AJUBA: variants seen among roughly 807,000 people sequenced by gnomAD.
AJUBA encodes the protein LIM domain-containing protein ajuba.
Under a neutral mutation model 53.3 loss-of-function variants are expected in AJUBA, and 20 were observed. The observed-to-expected ratio is 0.38, with a 90% CI of 0.26 to 0.55. The LOEUF is 0.55. Ranked by LOEUF, AJUBA falls within the 20% of genes least tolerant of loss-of-function variation. The pLI is 0.80. For synonymous variants in AJUBA, 296 were observed against 306.2 expected (o/e 0.97, Z 0.35); for missense variants, 580 against 730.5 (o/e 0.79, Z 2.38).
Position 22,982,260 on chromosome 14 carries a change from G to A in AJUBA, c.7C>T (p.Arg3Trp). Reference protein sequence around the residue: MERLGEKASRLLE... With the variant: MEWLGEKASRLLE... Reference sequence around the variant, plus strand: ...AGGCGACTGGCTTTCTCTCCTAACCGCTCCATGCCCTCGGGCCTGGGGCCT... The same window carrying A: ...AGGCGACTGGCTTTCTCTCCTAACCACTCCATGCCCTCGGGCCTGGGGCCT... The change falls in exon 1 of 8, where the codon CGG becomes TGG. Residue 3 changes from arginine (R) to tryptophan (W), a missense_variant. Arg to Trp is a moderately radical substitution (Grantham distance 101). This residue lies in a region of AJUBA where 430 missense variants were observed against 471.5 expected (regional missense o/e 0.91). Transcript: ENST00000262713. 1 of 1,613,474 alleles carries A rather than the reference G, an allele frequency of 6.2e-7. No homozygotes were observed. Among genetic ancestry groups the A allele is most frequent in the Non-Finnish European group, 8.5e-7 (1 of 1,179,796 alleles).
chr14:22,977,123 C>T (rs1201864003), intron 2 of AJUBA: 1 of 1,017,346 alleles, frequency 9.8e-7, no homozygotes, highest in African/African-American at 1.7e-5. Flanking sequence ...CCCTCTGGGA[C>T]CCTTCAACCT....
chr14:22,982,206 C>T lies in AJUBA; in HGVS notation c.61G>A (p.Glu21Lys). 6.2e-7 allele frequency: 1 copy of T among 1,613,986 alleles called. No individual in the cohort carries two copies. Among genetic ancestry groups the T allele is most frequent in the African/African-American group, 1.3e-5 (1 of 75,042 alleles). Residue 21 changes from glutamate to lysine, a missense_variant, in exon 1 of 8, where the codon GAA becomes AAA. Coordinates refer to ENST00000262713, the MANE Select transcript of AJUBA (RefSeq NM_032876.6). ...LLEKFGRRKG[E>K]SSRSGSDGTP... ...CCGTCAGACCCAGACCGGCTAGATT[C>T]ACCCTTTCTGCGGCCGAACTTCTCC...
Position 22,981,722 on chromosome 14 carries a change from C to T in AJUBA, c.545G>A (p.Cys182Tyr), listed in dbSNP as rs1181709664. The change falls in exon 1 of 8, where the codon TGC (cysteine) becomes TAC (tyrosine). Residue 182 changes from cysteine (C) to tyrosine (Y), a missense_variant. Physicochemically the swap from Cys to Tyr is radical, Grantham distance 194 (BLOSUM62 -2). Around this residue, in one of 2 missense-constraint regions of AJUBA, gnomAD observed 430 missense variants for 471.5 expected, o/e 0.91. Transcript: ENST00000262713. The stretch of plus-strand genomic sequence containing the variant: ...TCCGGCCAGGGGTGGGCCAAACAGG[C>T]ACGGCCCCGCTGGCAAGGGGCTCCC... ...RHGSPLPAGP[C>Y]LFGPPLAGAP... 3 of 1,529,768 alleles carry T rather than the reference C, an allele frequency of 2.0e-6. No homozygotes were observed. In the African/African-American group the frequency reaches 4.1e-5, roughly 21 times the overall value. 94.8% of individuals were successfully genotyped at this position (1,529,768 alleles called of 1,614,324 possible). A position where few individuals can be genotyped will look rare whatever the true frequency, so the allele number is the denominator to read the frequency against.
chr14:22,974,254 A>G, intron 6 of AJUBA, 139 bp from the exon 7 acceptor site: 2 of 886,636 alleles, frequency 2.3e-6, no homozygotes, highest in South Asian at 1.5e-5. Context: ...CTGTAGTTTT[A>G]AGATGCTTCT....
chr14:22,973,463 G>A lies in AJUBA; in HGVS notation c.1597C>T (p.Pro533Ser), dbSNP rs769574660. The change falls in exon 8 of 8, where the codon CCC (proline) becomes TCC (serine). Residue 533 changes from proline to serine, a missense_variant. This residue lies in a region of AJUBA where 150 missense variants were observed against 259.0 expected (regional missense o/e 0.58). Coordinates refer to ENST00000262713, the MANE Select transcript of AJUBA (RefSeq NM_032876.6). The part of the protein sequence containing the change: ...CHMQRLNARQ[P>S]PANYI ...GCAGCTCAGATATAGTTGGCAGGGGGTTGTCGGGCATTGAGCCGCTGCATG... is the reference window on the plus strand; with the variant it reads ...GCAGCTCAGATATAGTTGGCAGGGGATTGTCGGGCATTGAGCCGCTGCATG... 1.1e-5 allele frequency: 18 copies of A among 1,612,486 alleles called. No homozygotes were observed. Among genetic ancestry groups the A allele is most frequent in the Non-Finnish European group, 1.4e-5 (16 of 1,179,348 alleles).
rs1009331674 is a variant in AJUBA at position 22,981,653 on chromosome 14, G to A, written c.614C>T (p.Pro205Leu). The A allele has an allele frequency of 5.3e-6, 8 of 1,513,662 alleles. No individual in the cohort carries two copies. In the African/African-American group the frequency reaches 8.2e-5, roughly 16 times the overall value. 93.8% of individuals were successfully genotyped at this position (1,513,662 alleles called of 1,614,324 possible). Residue 205 changes from proline to leucine, a missense_variant, in exon 1 of 8, where the codon CCG becomes CTG. Pro to Leu is a moderately conservative substitution (Grantham distance 98). Transcript: ENST00000262713. ...TCGGTCCAGGGCGGCGTGGAGCTCC[G>A]GGTAGGCGGACGGGACCCCTCCGGG... ...YSPGGVPSAY[P>L]ELHAALDRLY...
intron 1 of AJUBA, 145 bp downstream of exon 1, chr14:22,981,116 G>T: frequency 2.0e-6 from 2 of 1,015,784 alleles, no homozygotes; most frequent in Non-Finnish European, 2.8e-6. Flanking sequence ...CTCTGGGGCC[G>T]CCCCCATCCA....
At chr14:22,975,451 C>T (rs2045025996) in intron 4 of AJUBA, among the ~76,000 whole-genome samples, 1 of 152,184 alleles carries the variant, frequency 6.6e-6, no homozygotes, top group Non-Finnish European at 1.5e-5. Flanking sequence ...TAGTTCTTCC[C>T]AGCTGATCTG....
At position 22,978,185 on chromosome 14, in the gene AJUBA, A is replaced by G. The variant is rs1011553327; in HGVS notation, c.1108+159T>C. On this transcript the variant is annotated intron_variant, in intron 2 of 7. Coordinates refer to ENST00000262713, the MANE Select transcript of AJUBA (RefSeq NM_032876.6). Reference sequence around the variant, plus strand: ...TAGAGGACAGACAGGGAAGCAAGAGAGGCAGAGCAGCTGCGGACCTCCAGA... The same window carrying G: ...TAGAGGACAGACAGGGAAGCAAGAGGGGCAGAGCAGCTGCGGACCTCCAGA... 5.9e-5 allele frequency among the ~76,000 whole-genome samples: 9 copies of G among 152,214 alleles called. 1 individual carries two copies. Among genetic ancestry groups the G allele is most frequent in the Admixed American group, 4.6e-4 (7 of 15,286 alleles).
Position 22,975,058 on chromosome 14 carries a change from C to A in AJUBA, c.1286G>T (p.Cys429Phe), listed in dbSNP as rs1387232699. 1 of 1,614,016 alleles carries A rather than the reference C, an allele frequency of 6.2e-7. No individual in the cohort carries two copies. The highest frequency in any genetic ancestry group is 8.5e-7 in the Non-Finnish European group (1 of 1,180,028). ...ATCCAGGCACTTGTTGCAAACAATG[C>A]ATCGGAAACAGCCTGGATGATAGGA... ...GKSYHPGCFR[C>F]IVCNKCLDGI... The change falls in exon 5 of 8, where the codon TGC becomes TTC. Residue 429 changes from cysteine (C) to phenylalanine (F), a missense_variant. Transcript: ENST00000262713.
At chr14:22,977,277 T>G in intron 2 of AJUBA, 1 of 915,764 alleles carries the variant, frequency 1.1e-6, no homozygotes, top group Non-Finnish European at 1.3e-6. Context: ...CCTCTCCTGT[T>G]TGTATAAGGC....
At chr14:22,978,315 G>A (rs1773312482) in intron 2 of AJUBA, 29 bp downstream of exon 2, 1 of 1,587,732 alleles carries the variant, frequency 6.3e-7, no homozygotes, top group South Asian at 1.1e-5. Flanking sequence ...CAGGGGAGGG[G>A]AGTGCTTGAG....
At chr14:22,976,398 C>T (rs2045036783) in intron 4 of AJUBA, 58 bp downstream of exon 4, 13 of 1,548,376 alleles carry the variant, frequency 8.4e-6, no homozygotes, top group Non-Finnish European at 1.2e-5. Flanking sequence ...CCATTTAGTC[C>T]CTGATCCCGC....
Position 22,981,862 on chromosome 14 carries a change from C to T in AJUBA, c.405G>A (p.Pro135=), listed in dbSNP as rs996190949. 1.3e-6 allele frequency: 2 copies of T among 1,534,202 alleles called. No homozygotes were observed. Among genetic ancestry groups the T allele is most frequent in the African/African-American group, 1.4e-5 (1 of 72,854 alleles). ...GCAGCAGGCTGCCCCGGGGGCTGGA[C>T]GGCTTGCTCGCGTCGCTGGCCGAGC... The part of the protein sequence containing the change: ...ASSSASDASK[P]SSPRGSLLLD... The change falls in exon 1 of 8, where the codon CCG becomes CCA. Residue 135 remains proline (P), a synonymous_variant. Coordinates refer to ENST00000262713, the MANE Select transcript of AJUBA (RefSeq NM_032876.6).
intron 1 of AJUBA, chr14:22,978,732 G>A (rs1026394978): frequency 1.6e-6 from 2 of 1,226,586 alleles, no homozygotes; most frequent in Non-Finnish European, 2.1e-6. Context: ...ATGGTCCCTG[G>A]CATTCAGATG....
In AJUBA at chr14:22,982,180, C is replaced by T. The variant is rs888126347; in HGVS notation, c.87G>A (p.Gly29=). ...GGCGCCCCTTGCCCGGCCCGGGGGT[C>T]CCGTCAGACCCAGACCGGCTAGATT... ...KGESSRSGSD[G]TPGPGKGRLS... Residue 29 remains glycine, a synonymous_variant, in exon 1 of 8, where the codon GGG becomes GGA. Transcript: ENST00000262713. 124 of 1,613,470 alleles carry T rather than the reference C, an allele frequency of 7.7e-5. No homozygotes were observed. Among genetic ancestry groups the T allele is most frequent in the Non-Finnish European group, 1.0e-4 (123 of 1,179,804 alleles).
intron 2 of AJUBA, chr14:22,977,746 G>A (rs562511377): frequency 8.5e-5 from 13 of 152,652 alleles, no homozygotes; most frequent in African/African-American, 2.7e-4. Flanking sequence ...GTAAGGAGGG[G>A]GTAATGAGGG....
chr14:22,973,189 C>T lies in AJUBA; in HGVS notation c.*254G>A. ...CAGATGTTCAGAAAGTCCTGGAACC[C>T]TCCTGTGTGTGCCTAAGCTCAGACT... On this transcript the variant is annotated 3_prime_UTR_variant, in exon 8 of 8. Coordinates refer to ENST00000262713, the MANE Select transcript of AJUBA (RefSeq NM_032876.6). 1.9e-6 allele frequency: 1 copy of T among 519,422 alleles called. No homozygotes were observed. Among genetic ancestry groups the T allele is most frequent in the Non-Finnish European group, 3.4e-6 (1 of 290,072 alleles). The allele number at this position is 519,422 out of a possible 1,614,324, so 32.2% of individuals were successfully genotyped here.
In AJUBA at chr14:22,982,348, C is replaced by G; in HGVS notation, c.-82G>C. 6.4e-7 allele frequency: 1 copy of G among 1,568,808 alleles called. No homozygotes were observed. The highest frequency in any genetic ancestry group is 2.3e-5 in the East Asian group (1 of 43,894). On this transcript the variant is annotated 5_prime_UTR_variant, in exon 1 of 8. Coordinates refer to ENST00000262713, the MANE Select transcript of AJUBA (RefSeq NM_032876.6). Reference sequence around the variant, plus strand: ...GCGGCCGGTTCTCTTTCCCTGCAGCCGGACTCTGGTTCCCCAGGGGCACAG... The same window carrying G: ...GCGGCCGGTTCTCTTTCCCTGCAGCGGGACTCTGGTTCCCCAGGGGCACAG...
Sources: gnomAD v4.1 joint callset for allele counts (sites outside exome capture counted in the v4.1 genomes callset) on GRCh38, gnomAD v4.1.1 for gene constraint, gnomAD v4.1.1 regional missense constraint, MANE v1.5 for transcripts, NCBI Gene and HGNC (gene_info 2026-07-23, HGNC 2026-07-21) for gene names.